The following ABHD17C variants were observed in gnomAD, a reference collection of about 807,000 sequenced individuals.
ABHD17C encodes the protein abhydrolase domain containing 17C, depalmitoylase.
ABHD17C carries 11 observed loss-of-function variants against 27.9 expected under a neutral mutation model. That is an observed-to-expected ratio of 0.39 (90% CI 0.25 to 0.65). ABHD17C has a LOEUF of 0.65. Among genes scored for constraint, ABHD17C ranks in the 30% least tolerant of loss-of-function variants. ABHD17C has a pLI of 0.45. For missense variants in ABHD17C, 280 were observed against 470.2 expected (o/e 0.60, Z 3.74); for synonymous variants, 233 against 209.1 (o/e 1.11, Z -0.98).
rs1386584379 is a variant in ABHD17C at position 80,738,711 on chromosome 15, C to T, written c.591-10802C>T. Among the ~76,000 whole-genome samples, 6 of 151,946 alleles carry T rather than the reference C, an allele frequency of 3.9e-5. 1 individual carries two copies. The South Asian group carries it at 8.3e-4, about 21-fold the overall frequency. On this transcript the variant is annotated intron_variant, in intron 1 of 2. Coordinates refer to ENST00000258884, the MANE Select transcript of ABHD17C (RefSeq NM_021214.2). The stretch of plus-strand genomic sequence containing the variant: ...TGATAGAAACAGAAAGATTGGGGAA[C>T]GAATATGAAGTGTCAAGTTTGGGAG...
chr15:80,747,989 C>T (rs2627319), intron 1 of ABHD17C, among the ~76,000 whole-genome samples: 56,668 of 151,998 alleles, frequency 0.37, 11,786 homozygotes, highest in Non-Finnish European at 0.48. Flanking sequence ...CATCCCCTGC[C>T]GGCCGGCCCA....
intron 1 of ABHD17C, among the ~76,000 whole-genome samples, chr15:80,707,538 AC>A (rs1567031115): frequency 2.0e-5 from 3 of 151,922 alleles, no homozygotes; most frequent in Non-Finnish European, 2.9e-5. Flanking sequence ...CATGAAATAT[AC>A]TAATACTAGC....
At chr15:80,721,415 A>T (rs1894896116) in intron 1 of ABHD17C, among the ~76,000 whole-genome samples, 1 of 152,132 alleles carries the variant, frequency 6.6e-6, no homozygotes, top group African/African-American at 2.4e-5. Context: ...TAGCTTGGTG[A>T]TAAAGAGCCT....
At chr15:80,696,978 A>G (rs75084438) in intron 1 of ABHD17C, among the ~76,000 whole-genome samples, 1 of 152,240 alleles carries the variant, frequency 6.6e-6, no homozygotes, top group African/African-American at 2.4e-5. Flanking sequence ...ATGAGATTTG[A>G]TTTCTTCAGA....
At chr15:80,714,516 C>T (rs990121147) in intron 1 of ABHD17C, among the ~76,000 whole-genome samples, 3 of 152,170 alleles carry the variant, frequency 2.0e-5, no homozygotes, top group African/African-American at 7.2e-5. Flanking sequence ...GACCCTGGAG[C>T]CTATGCTCTA....
intron 1 of ABHD17C, among the ~76,000 whole-genome samples, chr15:80,716,976 A>G (rs1210620149): frequency 2.0e-5 from 3 of 152,230 alleles, no homozygotes; most frequent in Non-Finnish European, 4.4e-5. Flanking sequence ...TCATCTCGCC[A>G]GTTAATGAGG....
intron 1 of ABHD17C, 66 bp from the exon 2 acceptor site, chr15:80,749,447 T>G (rs1596074794): frequency 2.0e-6 from 3 of 1,535,118 alleles, no homozygotes. Flanking sequence ...AAGAGGCGGG[T>G]TTCTCTGTCC....
chr15:80,754,292 G>T lies in ABHD17C; in HGVS notation c.912G>T (p.Gly304=). The T allele has an allele frequency of 6.2e-7, 1 of 1,613,978 alleles. No homozygotes were observed. Among genetic ancestry groups the T allele is most frequent in the South Asian group, 1.1e-5 (1 of 91,090 alleles). ...AGCCCCTTTGGGTTGAAGGGGCTGGGCATAATGACATAGAGCTTTATGCAC... is the reference window on the plus strand; with the variant it reads ...AGCCCCTTTGGGTTGAAGGGGCTGGTCATAATGACATAGAGCTTTATGCAC... ...AVEPLWVEGA[G]HNDIELYAQY... The change falls in exon 3 of 3, where the codon GGG becomes GGT. Residue 304 remains glycine (G), a synonymous_variant. Coordinates refer to ENST00000258884, the MANE Select transcript of ABHD17C (RefSeq NM_021214.2).
rs1348143687 is a variant in ABHD17C, at chr15:80,754,421, T to C, written c.*51T>C. ...TTACTGTGAACAGAAGAGTCCTCTG[T>C]TTTGCACATGCTTTAACTGGGTAGC... is the stretch of plus-strand genomic sequence containing the variant. On this transcript the variant is annotated 3_prime_UTR_variant, in exon 3 of 3. Coordinates refer to ENST00000258884, the MANE Select transcript of ABHD17C (RefSeq NM_021214.2). The C allele has an allele frequency of 3.4e-6, 5 of 1,491,538 alleles. No individual in the cohort carries two copies. The highest frequency in any genetic ancestry group is 1.4e-5 in the African/African-American group (1 of 72,192). The allele number at this position is 1,491,538 out of a possible 1,614,324, so 92.4% of individuals were successfully genotyped here.
chr15:80,719,701 T>C (rs982946256), intron 1 of ABHD17C, among the ~76,000 whole-genome samples: 3 of 152,170 alleles, frequency 2.0e-5, no homozygotes, highest in Admixed American at 6.6e-5. Flanking sequence ...AAATGTGTAC[T>C]CCAATCATGG....
Position 80,745,642 on chromosome 15 carries a change from CAGGCGTG to C in ABHD17C, c.591-3868_591-3862del, listed in dbSNP as rs745816643. Reference sequence around the variant, plus strand: ...TTGGCCTTCCAAAGCGCTGGGATTACAGGCGTGAGCCATCGCGCCCAGCCTTAACAGC... The same window carrying C: ...TTGGCCTTCCAAAGCGCTGGGATTACAGCCATCGCGCCCAGCCTTAACAGC... On this transcript the variant is annotated intron_variant, in intron 1 of 2. Coordinates refer to ENST00000258884, the MANE Select transcript of ABHD17C (RefSeq NM_021214.2). Among the ~76,000 whole-genome samples, 168 of 152,302 alleles carry C rather than the reference CAGGCGTG, an allele frequency of 1.1e-3. 1 individual carries two copies. Among genetic ancestry groups the C allele is most frequent in the Admixed American group, 2.0e-3 (30 of 15,304 alleles).
At chr15:80,743,700 A>G (rs1895243492) in intron 1 of ABHD17C, among the ~76,000 whole-genome samples, 1 of 152,076 alleles carries the variant, frequency 6.6e-6, no homozygotes, top group African/African-American at 2.4e-5. Context: ...CTCCCACCTC[A>G]GCCTCCCTAG....
chr15:80,702,140 C>T (rs760972448), intron 1 of ABHD17C, among the ~76,000 whole-genome samples: 46 of 152,104 alleles, frequency 3.0e-4, no homozygotes, highest in Non-Finnish European at 5.0e-4. Flanking sequence ...TGTTCTCTTC[C>T]GAGCACAGTT....
intron 1 of ABHD17C, among the ~76,000 whole-genome samples, chr15:80,720,015 G>C (rs369389240): frequency 9.6e-4 from 146 of 152,276 alleles, no homozygotes; most frequent in African/African-American, 3.4e-3. Context: ...GGCCCGGCTA[G>C]TCTTGAACTC....
At chr15:80,726,162 TC>T (rs1894971552) in intron 1 of ABHD17C, among the ~76,000 whole-genome samples, 1 of 152,262 alleles carries the variant, frequency 6.6e-6, no homozygotes, top group South Asian at 2.1e-4. Context: ...AAGGCACAGA[TC>T]GCTCATGCTA....
chr15:80,727,087 A>G (rs1242528507), intron 1 of ABHD17C, among the ~76,000 whole-genome samples: 1 of 152,234 alleles, frequency 6.6e-6, no homozygotes, highest in African/African-American at 2.4e-5. Context: ...TTAAAGTACA[A>G]AAAGAAAATA....
At chr15:80,733,607 C>T (rs1173484021) in intron 1 of ABHD17C, among the ~76,000 whole-genome samples, 1 of 152,198 alleles carries the variant, frequency 6.6e-6, no homozygotes, top group Non-Finnish European at 1.5e-5. Flanking sequence ...CAGTAAGTCA[C>T]TATCCAAGAA....
chr15:80,701,768 G>A (rs972591474), intron 1 of ABHD17C, among the ~76,000 whole-genome samples: 1 of 152,134 alleles, frequency 6.6e-6, no homozygotes, highest in Non-Finnish European at 1.5e-5. Flanking sequence ...ATGTTGGCTT[G>A]CAATTCAAGG....
At chr15:80,746,423 G>T (rs1345659581) in intron 1 of ABHD17C, among the ~76,000 whole-genome samples, 1 of 151,732 alleles carries the variant, frequency 6.6e-6, no homozygotes, top group Admixed American at 6.6e-5. Context: ...TGATTTTAAT[G>T]TAATACTTTC....
Sources: allele counts gnomAD v4.1 joint callset (sites outside exome capture counted in the v4.1 genomes callset), GRCh38; gene constraint gnomAD v4.1.1; transcripts MANE v1.5; gene names NCBI Gene and HGNC (gene_info 2026-07-23, HGNC 2026-07-21).